Variants in ASAH2 observed in about 807,000 individuals in gnomAD.
The protein encoded by ASAH2 is neutral ceramidase.
A neutral mutation model predicts 82.9 loss-of-function variants in ASAH2; 58 were observed. That is an observed-to-expected ratio of 0.70 (90% confidence interval 0.57 to 0.87). ASAH2 has a LOEUF of 0.87. ASAH2 is among the 40% of genes least tolerant of loss of function. The pLI is 0.00. For missense variants in ASAH2, 779 were observed against 834.0 expected (o/e 0.93, Z 0.81); for synonymous variants, 276 against 289.7 (o/e 0.95, Z 0.48).
intron 2 of ASAH2, among the ~76,000 whole-genome samples, chr10:50,246,837 C>T (rs1846470447): frequency 1.3e-5 from 2 of 152,184 alleles, no homozygotes; most frequent in Admixed American, 6.5e-5. Flanking sequence ...TTCACTGCTA[C>T]CAGCATAGGA....
intron 8 of ASAH2, among the ~76,000 whole-genome samples, chr10:50,217,908 T>C (rs1442557433): frequency 2.0e-5 from 3 of 152,102 alleles, no homozygotes; most frequent in African/African-American, 7.2e-5. Context: ...GCAGATGACT[T>C]GAGGTTAGGA....
In ASAH2 at chr10:50,199,077, T is replaced by C. The variant is rs1447868178; in HGVS notation, c.1831A>G (p.Arg611Gly). 1.2e-6 allele frequency: 2 copies of C among 1,613,220 alleles called. No homozygotes were observed. Among genetic ancestry groups the C allele is most frequent in the Non-Finnish European group, 1.7e-6 (2 of 1,179,512 alleles). The change falls in exon 17 of 21, where the codon AGA (arginine) becomes GGA (glycine). Residue 611 changes from arginine (R) to glycine (G), a missense_variant. Arg to Gly is a moderately radical substitution (Grantham distance 125). Transcript: ENST00000682911. ...GTAGCAATAGCCTTAGCAAGGTTTC[T>C]GAAGAGCTGAATGTAAGCAGATAAT... Reference protein sequence around the residue: ...HTLSAYIQLFRNLAKAIATDT... With the variant: ...HTLSAYIQLFGNLAKAIATDT...
intron 16 of ASAH2, among the ~76,000 whole-genome samples, chr10:50,201,868 A>T (rs1845158820): frequency 6.6e-6 from 1 of 152,160 alleles, no homozygotes; most frequent in South Asian, 2.1e-4. Flanking sequence ...TTGTGATTAT[A>T]AAATAGCAAT....
chr10:50,218,099 G>C (rs1845654017), intron 8 of ASAH2, among the ~76,000 whole-genome samples: 1 of 150,742 alleles, frequency 6.6e-6, no homozygotes, highest in Non-Finnish European at 1.5e-5. Flanking sequence ...TCTCCAGCTT[G>C]GGTGATAGAG....
chr10:50,187,116 T>TCACAGACA lies in ASAH2; in HGVS notation c.*198_*199insTGTCTGTG. 1 of 229,360 alleles carries TCACAGACA rather than the reference T, an allele frequency of 4.4e-6. No individual in the cohort carries two copies. The highest frequency in any genetic ancestry group is 3.9e-5 in the African/African-American group (1 of 25,524). The allele number at this position is 229,360 out of a possible 1,614,324, so 14.2% of individuals were successfully genotyped here. ...CTCTCTCTCTCTCTCTCTCTCTCTC[T>TCACAGACA]CTCACACACACACACACACACACAC... On this transcript the variant is annotated 3_prime_UTR_variant, in exon 21 of 21. Transcript: ENST00000682911.
chr10:50,213,522 C>G (rs1436241783), intron 9 of ASAH2, among the ~76,000 whole-genome samples: 1 of 152,070 alleles, frequency 6.6e-6, no homozygotes, highest in African/African-American at 2.4e-5. Context: ...TTTCCTACTT[C>G]TTATGTCAGA....
chr10:50,223,269 T>C (rs1845794631), intron 7 of ASAH2, among the ~76,000 whole-genome samples: 1 of 152,214 alleles, frequency 6.6e-6, no homozygotes, highest in Non-Finnish European at 1.5e-5. Context: ...ATTCAGACAT[T>C]GCATGTGCCC....
intron 7 of ASAH2, among the ~76,000 whole-genome samples, chr10:50,229,686 A>G (rs1845978546): frequency 6.6e-6 from 1 of 152,136 alleles, no homozygotes; most frequent in South Asian, 2.1e-4. Flanking sequence ...CACTCCAGCC[A>G]CACTCACCTT....
intron 5 of ASAH2, 115 bp downstream of exon 5, chr10:50,235,773 C>CTAA: frequency 8.8e-7 from 1 of 1,138,214 alleles, no homozygotes; most frequent in Non-Finnish European, 1.3e-6. Flanking sequence ...ATTGTACATG[C>CTAA]TAATACTATG....
intron 20 of ASAH2, among the ~76,000 whole-genome samples, chr10:50,188,850 C>T (rs1364371950): frequency 2.3e-5 from 3 of 128,054 alleles, no homozygotes; most frequent in African/African-American, 9.3e-5. Flanking sequence ...ATGCCACTGT[C>T]ATGGAATGTT....
intron 5 of ASAH2, among the ~76,000 whole-genome samples, chr10:50,235,176 A>G (rs1385252392): frequency 1.3e-5 from 2 of 152,174 alleles, no homozygotes; most frequent in African/African-American, 4.8e-5. Context: ...TAAGCCTTTA[A>G]TACATTGAAA....
In ASAH2 at chr10:50,212,951, G is replaced by A; in HGVS notation, c.1227+21C>T. The A allele has an allele frequency of 3.7e-6, 6 of 1,604,556 alleles. No homozygotes were observed. In the Admixed American group the frequency reaches 1.0e-4, roughly 27 times the overall value. On this transcript the variant is annotated intron_variant, in intron 10 of 20. Coordinates refer to ENST00000682911, the MANE Select transcript of ASAH2 (RefSeq NM_019893.4). ...AGGACAATTTTAAACAAAGATTAAA[G>A]GAGCGAGGCCCATGGCTTACCTTTG...
intron 16 of ASAH2, 27 bp from the exon 17 acceptor site, chr10:50,199,173 T>C: frequency 5.6e-6 from 9 of 1,610,742 alleles, no homozygotes; most frequent in Non-Finnish European, 7.6e-6. Flanking sequence ...GAGAGTTGTA[T>C]ATGGTTCTGC....
intron 17 of ASAH2, among the ~76,000 whole-genome samples, chr10:50,198,054 T>C (rs926310647): frequency 2.0e-5 from 3 of 146,634 alleles, no homozygotes; most frequent in Non-Finnish European, 4.7e-5. Flanking sequence ...TATAAAATAC[T>C]GAAATTTCAA....
At chr10:50,203,240 A>G (rs1845203859) in intron 15 of ASAH2, among the ~76,000 whole-genome samples, 1 of 152,010 alleles carries the variant, frequency 6.6e-6, no homozygotes, top group African/African-American at 2.4e-5. Flanking sequence ...CATTTTTGAC[A>G]TGTCATTTTA....
rs757215251 is a variant in ASAH2 at position 50,243,294 on chromosome 10, G to T, written c.418C>A (p.Arg140Ser). The change falls in exon 4 of 21, where the codon CGT (arginine) becomes AGT (serine). Residue 140 changes from arginine to serine, a missense_variant. Physicochemically the swap from Arg to Ser is moderately radical, Grantham distance 110. Transcript: ENST00000682911. ...TCAGGTTCTGCCATGATGAAGGCAC[G>T]ACTGTATAGCCTGGTGAGGATGCCC... ...AQGILTRLYS[R>S]AFIMAEPDGS... The T allele has an allele frequency of 1.9e-6, 3 of 1,614,084 alleles. No individual in the cohort carries two copies. The highest frequency in any genetic ancestry group is 1.1e-5 in the South Asian group (1 of 91,074).
At chr10:50,200,721 GC>G (rs1259344888) in intron 16 of ASAH2, among the ~76,000 whole-genome samples, 1 of 152,034 alleles carries the variant, frequency 6.6e-6, no homozygotes, top group Non-Finnish European at 1.5e-5. Context: ...CCAGAAAGTG[GC>G]TAGCACAGTA....
intron 16 of ASAH2, among the ~76,000 whole-genome samples, chr10:50,200,157 A>G (rs1244151568): frequency 6.6e-6 from 1 of 151,376 alleles, no homozygotes; most frequent in Admixed American, 6.6e-5. Flanking sequence ...TCCTCTGCCT[A>G]TACACAAGCC....
At position 50,240,928 on chromosome 10, in the gene ASAH2, T is replaced by A. The variant is rs945826251; in HGVS notation, c.510+2274A>T. 9.2e-5 allele frequency among the ~76,000 whole-genome samples: 14 copies of A among 152,376 alleles called. 2 individuals carry two copies. In the East Asian group the frequency reaches 2.7e-3, roughly 29 times the overall value. On this transcript the variant is annotated intron_variant, in intron 4 of 20. Transcript: ENST00000682911. ...TTTCACCACTGAGTGTGAGCTGGAC[T>A]TAGTGACTTGCTTGATGAATAGAAC... is the stretch of plus-strand genomic sequence containing the variant.
Sources: gnomAD v4.1 joint callset for allele counts (sites outside exome capture counted in the v4.1 genomes callset) on GRCh38, gnomAD v4.1.1 for gene constraint, MANE v1.5 for transcripts, NCBI Gene and HGNC (gene_info 2026-07-23, HGNC 2026-07-21) for gene names.